The following SAMD5 variants were observed in gnomAD, a reference collection of about 807,000 sequenced individuals.
SAMD5 encodes the protein sterile alpha motif domain containing 5.
A neutral mutation model predicts 11.3 loss-of-function variants in SAMD5; 13 were observed. The ratio of observed to expected loss-of-function variants is 1.15; its 90% CI spans 0.75 to 1.83. The LOEUF (loss-of-function observed/expected upper bound fraction) is 1.83. SAMD5 is among the 40% of genes most tolerant of loss of function. The probability of loss-of-function intolerance (pLI) is 0.00; values close to 1 mark genes in which losing one functional copy is unlikely to be tolerated. For missense variants in SAMD5, 255 were observed against 239.1 expected, an observed-to-expected ratio of 1.07 and a Z score of -0.44; for synonymous variants, 129 against 111.3, an observed-to-expected ratio of 1.16 and a Z score of -1.00.
intron 1 of SAMD5, among the ~76,000 whole-genome samples, chr6:147,683,464 A>G (rs3861407): frequency 0.11 from 17,508 of 152,294 alleles, 1,105 homozygotes; most frequent in Middle Eastern, 0.16. Flanking sequence ...TCATTTGAAA[A>G]TAACAAATAT....
chr6:147,820,807 G>A, the SAMD5 span, among the ~76,000 whole-genome samples: 4 of 152,104 alleles, frequency 2.6e-5, no homozygotes, highest in Admixed American at 6.5e-5. Flanking sequence ...CCTGAGTGTC[G>A]GAGCTGAAAT....
At chr6:147,739,259 C>CAAAG (rs1168945382), downstream of SAMD5, among the ~76,000 whole-genome samples, 1 of 151,998 alleles carries the variant, frequency 6.6e-6, no homozygotes, top group African/African-American at 2.4e-5. Flanking sequence ...TATTTTTTGC[C>CAAAG]AAAGAATATT....
chr6:147,902,638 A>C, the SAMD5 span, among the ~76,000 whole-genome samples: 6 of 152,236 alleles, frequency 3.9e-5, no homozygotes, highest in Non-Finnish European at 8.8e-5. Flanking sequence ...AGATTTAATT[A>C]TTCTCTTAAT....
At chr6:147,796,646 A>G in the SAMD5 span, among the ~76,000 whole-genome samples, 1 of 152,264 alleles carries the variant, frequency 6.6e-6, no homozygotes, top group Admixed American at 6.5e-5. Flanking sequence ...GAATCTATAA[A>G]TTACCTTGGG....
the SAMD5 span, among the ~76,000 whole-genome samples, chr6:147,951,321 A>G: frequency 1.2e-4 from 18 of 152,010 alleles, no homozygotes; most frequent in African/African-American, 4.1e-4. Context: ...AGCTGGGACT[A>G]CAGGAGCCCA....
chr6:147,666,798 A>C (rs1334311178), intron 1 of SAMD5, among the ~76,000 whole-genome samples: 1 of 152,208 alleles, frequency 6.6e-6, no homozygotes. Context: ...AGCATCCTCA[A>C]ATAAGAGTGG....
At chr6:147,842,499 A>G in the SAMD5 span, among the ~76,000 whole-genome samples, 48 of 132,494 alleles carry the variant, frequency 3.6e-4, no homozygotes, top group East Asian at 6.6e-3. Flanking sequence ...TTTATTAGTG[A>G]TAAATAGTAT....
intron 1 of SAMD5, among the ~76,000 whole-genome samples, chr6:147,515,108 G>A (rs1361405407): frequency 6.7e-6 from 1 of 149,434 alleles, no homozygotes; most frequent in Non-Finnish European, 1.5e-5. Context: ...CAGATTGGAA[G>A]CTGGAAAACT....
chr6:147,916,828 T>A, the SAMD5 span, among the ~76,000 whole-genome samples: 1 of 150,950 alleles, frequency 6.6e-6, no homozygotes, highest in South Asian at 2.1e-4. Context: ...GTTCTTGCAA[T>A]AGTTTACTGA....
the SAMD5 span, among the ~76,000 whole-genome samples, chr6:147,845,102 T>A: frequency 6.0e-4 from 92 of 152,286 alleles, no homozygotes; most frequent in Non-Finnish European, 1.1e-3. Context: ...TTGTACCCCG[T>A]AAATATACAA....
the SAMD5 span, among the ~76,000 whole-genome samples, chr6:147,743,937 A>G: frequency 6.6e-6 from 1 of 152,230 alleles, no homozygotes; most frequent in Non-Finnish European, 1.5e-5. Flanking sequence ...GGGATTTCAC[A>G]GTTAGCCCTT....
At chr6:147,830,957 G>T in the SAMD5 span, among the ~76,000 whole-genome samples, 1 of 152,306 alleles carries the variant, frequency 6.6e-6, no homozygotes, top group East Asian at 1.9e-4. Flanking sequence ...TATACAGTCT[G>T]TGTACCAAGG....
the SAMD5 span, among the ~76,000 whole-genome samples, chr6:147,914,762 A>G: frequency 1.3e-5 from 2 of 152,330 alleles, no homozygotes; most frequent in Admixed American, 6.5e-5. Flanking sequence ...CACCTTGACT[A>G]GGTGATCAAA....
intron 1 of SAMD5, among the ~76,000 whole-genome samples, chr6:147,718,690 G>GT (rs57474457): frequency 0.62 from 94,093 of 151,362 alleles, 29,524 homozygotes; most frequent in Middle Eastern, 0.64. Context: ...GCTCTTTCTC[G>GT]TTTTTTTTCT....
In SAMD5 at chr6:147,508,851, A is replaced by G. The variant is rs1334399380; in HGVS notation, c.-78A>G. 4 of 1,534,136 alleles carry G rather than the reference A, an allele frequency of 2.6e-6. No homozygotes were observed. In the African/African-American group the frequency reaches 4.2e-5, roughly 16 times the overall value. On this transcript the variant is annotated 5_prime_UTR_variant, in exon 1 of 2. Transcript: ENST00000367474. ...CCTTTTCCCCTTGGAGGAGAGGATT[A>G]AAAGTTCCAAGAACTGGTGCCGCCC...
At chr6:147,573,508 G>T (rs2128445564), downstream of SAMD5, among the ~76,000 whole-genome samples, 3 of 152,280 alleles carry the variant, frequency 2.0e-5, no homozygotes, top group South Asian at 6.2e-4. Context: ...CTTGACACAT[G>T]GGAATTATAG....
At chr6:147,589,668 C>T (rs1318319753) in intron 1 of SAMD5, among the ~76,000 whole-genome samples, 1 of 152,254 alleles carries the variant, frequency 6.6e-6, no homozygotes, top group East Asian at 1.9e-4. Context: ...GGGTATGACT[C>T]CACCATAACT....
the SAMD5 span, among the ~76,000 whole-genome samples, chr6:147,821,260 C>T: frequency 7.9e-5 from 12 of 152,262 alleles, no homozygotes; most frequent in African/African-American, 2.2e-4. Flanking sequence ...TAGTCTTCTT[C>T]CATGGATGTG....
chr6:147,523,058 C>A (rs116319079), intron 1 of SAMD5, among the ~76,000 whole-genome samples: 1 of 152,110 alleles, frequency 6.6e-6, no homozygotes, highest in South Asian at 2.1e-4. Flanking sequence ...ATCCTCCACT[C>A]TTCTACTCAC....
Sources: gnomAD v4.1 joint callset for allele counts (sites outside exome capture counted in the v4.1 genomes callset) on GRCh38, gnomAD v4.1.1 for gene constraint, MANE v1.5 for transcripts, NCBI Gene and HGNC (gene_info 2026-07-23, HGNC 2026-07-21) for gene names.